The following SKAP2 variants were observed in gnomAD, a reference collection of about 807,000 sequenced individuals.
The protein encoded by SKAP2 is src kinase associated phosphoprotein 2.
Under a neutral mutation model 54.9 loss-of-function variants are expected in SKAP2, and 28 were observed. That is an observed-to-expected ratio of 0.51 (90% confidence interval 0.38 to 0.70). SKAP2 has a LOEUF of 0.70. SKAP2 is among the 30% of genes least tolerant of loss of function. The pLI is 0.00. For synonymous variants in SKAP2, 137 were observed against 134.3 expected (o/e 1.02, Z -0.14); for missense variants, 356 against 424.1 (o/e 0.84, Z 1.41).
At chr7:26,835,600 G>C (rs922226413) in intron 4 of SKAP2, among the ~76,000 whole-genome samples, 1 of 151,950 alleles carries the variant, frequency 6.6e-6, no homozygotes, top group Non-Finnish European at 1.5e-5. Context: ...ATTGCAACAA[G>C]AAGAATAAAA....
chr7:26,734,706 G>A (rs4722631), intron 6 of SKAP2, among the ~76,000 whole-genome samples: 82,475 of 151,924 alleles, frequency 0.54, 23,172 homozygotes, highest in East Asian at 0.88. Context: ...TCCCCCAGAA[G>A]AGTTGAATGC....
chr7:26,784,592 G>A (rs1286015065), intron 4 of SKAP2, among the ~76,000 whole-genome samples: 1 of 152,142 alleles, frequency 6.6e-6, no homozygotes, highest in East Asian at 1.9e-4. Context: ...CTCAAAGCCT[G>A]ATTTACCTAA....
At position 26,741,456 on chromosome 7, in the gene SKAP2, G is replaced by T. The variant is rs559028016; in HGVS notation, c.308-1492C>A. 3.3e-5 allele frequency among the ~76,000 whole-genome samples: 5 copies of T among 151,612 alleles called. No individual in the cohort carries two copies. The South Asian group carries it at 1.0e-3, about 32-fold the overall frequency. ...GGGGGAAGGGGGTCTGAGGTGGGAGGATCCCCCAAGAGGTCAAGGCTGCAG... is the reference window on the plus strand; with the variant it reads ...GGGGGAAGGGGGTCTGAGGTGGGAGTATCCCCCAAGAGGTCAAGGCTGCAG... On this transcript the variant is annotated intron_variant, in intron 4 of 12. Coordinates refer to ENST00000345317, the MANE Select transcript of SKAP2 (RefSeq NM_003930.5).
At chr7:26,659,494 A>G in the SKAP2 span, among the ~76,000 whole-genome samples, 1 of 152,194 alleles carries the variant, frequency 6.6e-6, no homozygotes, top group Non-Finnish European at 1.5e-5. Flanking sequence ...GTGAAGAAAA[A>G]GTTGGTTAAC....
chr7:26,858,039 C>T (rs1483951522), intron 1 of SKAP2: 1 of 152,184 alleles, frequency 6.6e-6, no homozygotes, highest in Non-Finnish European at 1.5e-5. Flanking sequence ...TCGCTCGACC[C>T]TTAGCCCGGT....
chr7:26,659,666 T>C, the SKAP2 span, among the ~76,000 whole-genome samples: 1 of 152,082 alleles, frequency 6.6e-6, no homozygotes, highest in Non-Finnish European at 1.5e-5. Context: ...ACATACAGTA[T>C]TAGGATTCAA....
In SKAP2 at chr7:26,668,004, A is replaced by G. The variant is rs1053898639; in HGVS notation, c.*1662T>C. 6.6e-6 allele frequency: 1 copy of G among 152,128 alleles called. No homozygotes were observed. The highest frequency in any genetic ancestry group is 2.4e-5 in the African/African-American group (1 of 41,438). 9.4% of individuals were successfully genotyped at this position (152,128 alleles called of 1,614,324 possible). ...TAACTTCTGAAAACTTTAACTTCAC[A>G]ATGTCTCTCTATATAAACTTGTTTA... On this transcript the variant is annotated 3_prime_UTR_variant, in exon 13 of 13. Coordinates refer to ENST00000345317, the MANE Select transcript of SKAP2 (RefSeq NM_003930.5).
intron 4 of SKAP2, among the ~76,000 whole-genome samples, chr7:26,833,081 A>G (rs1374891064): frequency 1.3e-5 from 2 of 152,130 alleles, no homozygotes; most frequent in African/African-American, 4.8e-5. Flanking sequence ...AGATAACTCT[A>G]GACTCCCTAC....
At chr7:26,798,177 A>T (rs1307408243) in intron 4 of SKAP2, among the ~76,000 whole-genome samples, 1 of 152,060 alleles carries the variant, frequency 6.6e-6, no homozygotes, top group Non-Finnish European at 1.5e-5. Context: ...AAGGACTTTA[A>T]AAACAGCAAG....
At chr7:26,713,218 A>T (rs1405033437) in intron 9 of SKAP2, among the ~76,000 whole-genome samples, 3 of 152,206 alleles carry the variant, frequency 2.0e-5, no homozygotes, top group African/African-American at 7.2e-5. Context: ...GCATTTATCC[A>T]AAAGGCTTCA....
intron 4 of SKAP2, among the ~76,000 whole-genome samples, chr7:26,741,234 T>C (rs1318786367): frequency 6.6e-6 from 1 of 151,716 alleles, no homozygotes. Context: ...AATAACTAAG[T>C]GGCCGGGTGC....
At chr7:26,694,518 C>G (rs865889576) in intron 9 of SKAP2, among the ~76,000 whole-genome samples, 30 of 146,930 alleles carry the variant, frequency 2.0e-4, no homozygotes, top group Middle Eastern at 3.7e-3. Context: ...GAGCTAAGTG[C>G]AGAAGAAAAT....
intron 4 of SKAP2, among the ~76,000 whole-genome samples, chr7:26,751,350 C>T (rs12700758): frequency 0.62 from 94,043 of 151,926 alleles, 29,686 homozygotes; most frequent in East Asian, 0.88. Context: ...AACTTATTAA[C>T]AGAAGGTAAA....
At chr7:26,695,033 T>G (rs954133869) in intron 9 of SKAP2, among the ~76,000 whole-genome samples, 3 of 152,000 alleles carry the variant, frequency 2.0e-5, no homozygotes, top group Non-Finnish European at 2.9e-5. Context: ...GAAAAAAGGT[T>G]GAAGAAAATT....
At chr7:26,699,542 G>A (rs1217264537) in intron 9 of SKAP2, among the ~76,000 whole-genome samples, 2 of 151,898 alleles carry the variant, frequency 1.3e-5, no homozygotes, top group Admixed American at 1.3e-4. Context: ...ATTTCCAATA[G>A]GGTAAATATT....
intron 10 of SKAP2, among the ~76,000 whole-genome samples, chr7:26,687,501 A>G (rs1455193849): frequency 6.6e-6 from 1 of 151,980 alleles, no homozygotes; most frequent in Non-Finnish European, 1.5e-5. Context: ...TCAGCATGCA[A>G]TACTAGCTAT....
At chr7:26,671,070 A>G (rs2128083577) in intron 11 of SKAP2, among the ~76,000 whole-genome samples, 1 of 152,174 alleles carries the variant, frequency 6.6e-6, no homozygotes, top group South Asian at 2.1e-4. Context: ...TGACAGATAC[A>G]CCACTGCTTT....
intron 4 of SKAP2, among the ~76,000 whole-genome samples, chr7:26,800,279 G>A (rs1036199151): frequency 1.3e-4 from 20 of 152,108 alleles, no homozygotes; most frequent in African/African-American, 4.6e-4. Flanking sequence ...CCAGCGGGTC[G>A]GTGAAGACAT....
chr7:26,756,590 T>C (rs186259407), intron 4 of SKAP2, among the ~76,000 whole-genome samples: 3 of 152,358 alleles, frequency 2.0e-5, no homozygotes, highest in South Asian at 2.1e-4. Flanking sequence ...CGATGGACAT[T>C]TGCATTGGTT....
Sources: gnomAD v4.1 joint callset for allele counts (sites outside exome capture counted in the v4.1 genomes callset) on GRCh38, gnomAD v4.1.1 for gene constraint, MANE v1.5 for transcripts, NCBI Gene and HGNC (gene_info 2026-07-23, HGNC 2026-07-21) for gene names.